LRRC37A2: variants seen among roughly 807,000 people sequenced by gnomAD.
The protein encoded by LRRC37A2 is leucine rich repeat containing 37 member A2.
LRRC37A2 carries 9 observed loss-of-function variants against 68.8 expected under a neutral mutation model. The observed-to-expected ratio is 0.13, with a 90% CI of 0.08 to 0.23. The LOEUF (loss-of-function observed/expected upper bound fraction) is 0.23. Among genes scored for constraint, LRRC37A2 ranks in the 10% least tolerant of loss-of-function variants. The probability of loss-of-function intolerance (pLI) is 1.00; values close to 1 mark genes in which losing one functional copy is unlikely to be tolerated. For missense variants in LRRC37A2, 168 were observed against 950.4 expected (o/e 0.18, Z 10.82); for synonymous variants, 63 against 367.6 (o/e 0.17, Z 9.48).
the LRRC37A2 span, among the ~76,000 whole-genome samples, chr17:46,869,623 AG>A: frequency 6.6e-6 from 1 of 152,260 alleles, no homozygotes; most frequent in Non-Finnish European, 1.5e-5. Flanking sequence ...CACATGTCAG[AG>A]GTCATAATCA....
At chr17:46,499,150 A>G in the LRRC37A2 span, among the ~76,000 whole-genome samples, 1 of 144,834 alleles carries the variant, frequency 6.9e-6, no homozygotes, top group Admixed American at 6.8e-5. Flanking sequence ...CCCCGTCTCT[A>G]CTAAAAATAT....
At chr17:46,808,477 G>A in the LRRC37A2 span, among the ~76,000 whole-genome samples, 1 of 152,344 alleles carries the variant, frequency 6.6e-6, no homozygotes, top group East Asian at 1.9e-4. Flanking sequence ...CCACAACTGA[G>A]CCTGAATGGT....
chr17:46,920,791 G>C, the LRRC37A2 span, among the ~76,000 whole-genome samples: 5 of 152,106 alleles, frequency 3.3e-5, no homozygotes, highest in African/African-American at 1.2e-4. Flanking sequence ...CTGAGCTCCT[G>C]CACTAGGCGC....
At chr17:46,823,563 T>G in the LRRC37A2 span, among the ~76,000 whole-genome samples, 1 of 151,916 alleles carries the variant, frequency 6.6e-6, no homozygotes, top group African/African-American at 2.4e-5. Context: ...CCTCCGCCGC[T>G]CAAGTAGCTG....
chr17:46,939,089 C>T, the LRRC37A2 span: 1 of 1,214,476 alleles, frequency 8.2e-7, no homozygotes, highest in Non-Finnish European at 1.0e-6. Flanking sequence ...GGAAGGTGTC[C>T]ACAGTGAGCC....
At chr17:46,836,095 C>CGTGTGTGTGTGTGTGTGTGTGT in the LRRC37A2 span, among the ~76,000 whole-genome samples, 500 of 126,470 alleles carry the variant, frequency 4.0e-3, 16 homozygotes, top group East Asian at 0.017. Context: ...GAGACGCTGA[C>CGTGTGTGTGTGTGTGTGTGTGT]GTGTGTGTGT....
At chr17:46,815,414 C>T in the LRRC37A2 span, among the ~76,000 whole-genome samples, 5 of 152,096 alleles carry the variant, frequency 3.3e-5, no homozygotes, top group African/African-American at 9.7e-5. Flanking sequence ...CTTGAGGGTC[C>T]GCGTGGACAG....
chr17:46,800,262 C>G, the LRRC37A2 span, among the ~76,000 whole-genome samples: 2 of 152,178 alleles, frequency 1.3e-5, no homozygotes, highest in Non-Finnish European at 2.9e-5. Context: ...AGCTGCCCAC[C>G]ACCACACCCA....
the LRRC37A2 span, chr17:46,935,390 C>G: frequency 7.0e-7 from 1 of 1,438,648 alleles, no homozygotes; most frequent in Non-Finnish European, 9.1e-7. Context: ...CATGAAGTGG[C>G]CTCTCTTAGG....
the LRRC37A2 span, among the ~76,000 whole-genome samples, chr17:46,894,337 G>A: frequency 6.6e-6 from 1 of 152,176 alleles, no homozygotes; most frequent in African/African-American, 2.4e-5. Context: ...TTGGGCTCTT[G>A]CTCTGTAATA....
At chr17:46,518,153 ATTTGT>A (rs1259253417) in intron 3 of LRRC37A2, among the ~76,000 whole-genome samples, 5,445 of 137,810 alleles carry the variant, frequency 0.04, 38 homozygotes, top group East Asian at 0.32. Flanking sequence ...AGCAAAATAG[ATTTGT>A]TTTGTGGTTT....
At chr17:46,888,416 CT>C in the LRRC37A2 span, among the ~76,000 whole-genome samples, 1 of 152,190 alleles carries the variant, frequency 6.6e-6, no homozygotes, top group African/African-American at 2.4e-5. Flanking sequence ...ATTATGGTTG[CT>C]GTCATTGGCA....
At chr17:46,786,290 G>T in the LRRC37A2 span, among the ~76,000 whole-genome samples, 1 of 152,118 alleles carries the variant, frequency 6.6e-6, no homozygotes, top group African/African-American at 2.4e-5. Context: ...GCGGGGGATG[G>T]AGGGGTCCTG....
At chr17:47,044,556 G>A in the LRRC37A2 span, among the ~76,000 whole-genome samples, 1 of 150,954 alleles carries the variant, frequency 6.6e-6, no homozygotes, top group Non-Finnish European at 1.5e-5. Context: ...TCCAGAAAAT[G>A]TATAGACATA....
chr17:46,894,670 G>A, the LRRC37A2 span, among the ~76,000 whole-genome samples: 10 of 152,180 alleles, frequency 6.6e-5, no homozygotes, highest in Admixed American at 5.9e-4. Flanking sequence ...CCAGGTCTCC[G>A]TGGGGCCGCC....
chr17:46,978,722 C>T, the LRRC37A2 span: 25 of 1,612,208 alleles, frequency 1.6e-5, no homozygotes, highest in Non-Finnish European at 2.0e-5. Flanking sequence ...ATCATGCTCT[C>T]GGACTTGATG....
At chr17:46,667,434 T>C in the LRRC37A2 span, among the ~76,000 whole-genome samples, 1 of 149,632 alleles carries the variant, frequency 6.7e-6, no homozygotes, top group Non-Finnish European at 1.5e-5. Context: ...GAAATGGTGG[T>C]GATAGACGAT....
the LRRC37A2 span, among the ~76,000 whole-genome samples, chr17:46,948,239 G>C: frequency 6.6e-6 from 1 of 152,188 alleles, no homozygotes; most frequent in African/African-American, 2.4e-5. Context: ...CATCTCACAG[G>C]GCAGCTGTGG....
chr17:46,726,849 A>G, the LRRC37A2 span, among the ~76,000 whole-genome samples: 1 of 152,186 alleles, frequency 6.6e-6, no homozygotes, highest in Non-Finnish European at 1.5e-5. Flanking sequence ...GTAAGGGCCC[A>G]TGTCTCATTT....
Sources: gnomAD v4.1 joint callset for allele counts (sites outside exome capture counted in the v4.1 genomes callset) on GRCh38, gnomAD v4.1.1 for gene constraint, MANE v1.5 for transcripts, NCBI Gene and HGNC (gene_info 2026-07-23, HGNC 2026-07-21) for gene names.